Variants in PTPRN2 observed in about 807,000 individuals in gnomAD.
PTPRN2 encodes protein tyrosine phosphatase receptor type N2, also known as receptor-type tyrosine-protein phosphatase N2.
PTPRN2 carries 74 observed loss-of-function variants against 118.8 expected under a neutral mutation model. The observed-to-expected ratio is 0.62, with a 90% CI of 0.52 to 0.76. PTPRN2 has a LOEUF of 0.76. Ranked by LOEUF, PTPRN2 falls within the 30% of genes least tolerant of loss-of-function variation. The pLI is 0.00. For synonymous variants in PTPRN2, 641 were observed against 608.0 expected (o/e 1.05, Z -0.80); for missense variants, 1,481 against 1,394.4 (o/e 1.06, Z -0.99).
chr7:158,464,391 C>CCGT (rs1819236856), intron 2 of PTPRN2, among the ~76,000 whole-genome samples: 2 of 84,098 alleles, frequency 2.4e-5, no homozygotes, highest in African/African-American at 1.1e-4. Context: ...TTCATCATCA[C>CCGT]CATCATCATC....
chr7:158,235,293 C>A (rs1275172626), intron 3 of PTPRN2, among the ~76,000 whole-genome samples: 1 of 152,144 alleles, frequency 6.6e-6, no homozygotes, highest in Non-Finnish European at 1.5e-5. Flanking sequence ...TATCTGCATG[C>A]CTGTGTTTAT....
intron 14 of PTPRN2, among the ~76,000 whole-genome samples, chr7:157,650,942 G>A (rs1352829821): frequency 1.3e-5 from 2 of 152,208 alleles, no homozygotes; most frequent in East Asian, 3.9e-4. Context: ...GCAGAGACAC[G>A]ACGGGCCCAG....
chr7:158,543,527 G>T (rs1359833079), intron 1 of PTPRN2, among the ~76,000 whole-genome samples: 1 of 152,234 alleles, frequency 6.6e-6, no homozygotes, highest in East Asian at 1.9e-4. Flanking sequence ...AGCATTGAGG[G>T]TAACTGCATA....
At chr7:158,208,597 A>G (rs893853687) in intron 3 of PTPRN2, among the ~76,000 whole-genome samples, 1 of 152,220 alleles carries the variant, frequency 6.6e-6, no homozygotes, top group African/African-American at 2.4e-5. Context: ...TTCCCAGACA[A>G]ACAAAAGCTG....
chr7:157,548,791 G>A (rs561643680), intron 22 of PTPRN2, among the ~76,000 whole-genome samples, 155 bp downstream of exon 22: 6 of 152,254 alleles, frequency 3.9e-5, no homozygotes, highest in South Asian at 4.1e-4. Context: ...AAGTGACCCC[G>A]CCCATGCAAG....
chr7:158,423,887 A>G (rs949510651), intron 2 of PTPRN2, among the ~76,000 whole-genome samples: 26 of 152,278 alleles, frequency 1.7e-4, no homozygotes, highest in Admixed American at 5.2e-4. Context: ...GGAATCCTGA[A>G]AACTGCTTTG....
Position 157,889,758 on chromosome 7 carries a change from T to C in PTPRN2, c.1788+8915A>G, listed in dbSNP as rs570894051. Among the ~76,000 whole-genome samples the C allele has an allele frequency of 2.2e-4, 33 of 152,382 alleles. 1 individual carries two copies. Among genetic ancestry groups the C allele is most frequent in the East Asian group, 1.7e-3 (9 of 5,186 alleles). ...GCCTCTCACTAGAAGTGCCTGTTTC[T>C]GGCTTCTGGCCGGAGGCTACGCTTC... On this transcript the variant is annotated intron_variant, in intron 12 of 22. Transcript: ENST00000389418.
intron 2 of PTPRN2, among the ~76,000 whole-genome samples, chr7:158,411,052 G>A (rs1317373790): frequency 6.6e-5 from 10 of 151,792 alleles, no homozygotes; most frequent in African/African-American, 2.2e-4. Context: ...CTGCCCCTGC[G>A]AACCCGGGGC....
chr7:157,993,921 A>G (rs979881728), intron 11 of PTPRN2, among the ~76,000 whole-genome samples: 6 of 152,096 alleles, frequency 3.9e-5, no homozygotes, highest in African/African-American at 1.4e-4. Flanking sequence ...CACTGAGCTC[A>G]CTGGGTCTCC....
chr7:157,994,034 T>G (rs190537353), intron 11 of PTPRN2, among the ~76,000 whole-genome samples: 79 of 152,334 alleles, frequency 5.2e-4, no homozygotes, highest in African/African-American at 1.9e-3. Flanking sequence ...GAATAATTTA[T>G]CGCAAAGTCC....
intron 5 of PTPRN2, among the ~76,000 whole-genome samples, chr7:158,171,038 C>T (rs562785624): frequency 1.4e-5 from 2 of 139,064 alleles, no homozygotes; most frequent in Admixed American, 7.1e-5. Flanking sequence ...CATATATATA[C>T]ACATACATAT....
intron 2 of PTPRN2, among the ~76,000 whole-genome samples, chr7:158,341,780 G>A (rs375717272): frequency 1.8e-3 from 134 of 73,424 alleles, no homozygotes; most frequent in Non-Finnish European, 2.4e-3. Flanking sequence ...GACACCTGCA[G>A]ACGTCACTCA....
At chr7:157,873,678 T>C (rs58642917) in intron 12 of PTPRN2, among the ~76,000 whole-genome samples, 5 of 123,042 alleles carry the variant, frequency 4.1e-5, no homozygotes, top group East Asian at 2.4e-4. Context: ...CCTCAAGGTC[T>C]GTCTCGTCGT....
intron 2 of PTPRN2, among the ~76,000 whole-genome samples, chr7:158,468,490 C>T (rs2129443954): frequency 6.6e-6 from 1 of 152,240 alleles, no homozygotes; most frequent in Admixed American, 6.5e-5. Context: ...CCGCCCCTCG[C>T]CGCCCTCAGC....
chr7:158,476,260 T>C (rs1456540276), intron 2 of PTPRN2, among the ~76,000 whole-genome samples: 1 of 152,246 alleles, frequency 6.6e-6, no homozygotes, highest in East Asian at 1.9e-4. Flanking sequence ...TGCCTTGGCC[T>C]CCCACAGTGC....
At chr7:157,992,405 CCT>C (rs1485224902) in intron 11 of PTPRN2, among the ~76,000 whole-genome samples, 1 of 152,176 alleles carries the variant, frequency 6.6e-6, no homozygotes, top group African/African-American at 2.4e-5. Context: ...TGAGCTTCTG[CCT>C]GTGGGAAGAG....
At chr7:157,678,015 A>AT (rs1796751877) in intron 13 of PTPRN2, among the ~76,000 whole-genome samples, 1 of 152,240 alleles carries the variant, frequency 6.6e-6, no homozygotes. Flanking sequence ...TATCAGCTAC[A>AT]TTTGGAAAGG....
intron 12 of PTPRN2, among the ~76,000 whole-genome samples, chr7:157,815,772 G>A (rs572373322): frequency 9.9e-5 from 15 of 152,276 alleles, no homozygotes; most frequent in Admixed American, 3.3e-4. Context: ...GAGCTGGGGC[G>A]CGCGCACATG....
intron 14 of PTPRN2, among the ~76,000 whole-genome samples, chr7:157,651,032 G>A (rs540742378): frequency 3.9e-5 from 6 of 152,298 alleles, no homozygotes; most frequent in African/African-American, 9.6e-5. Flanking sequence ...AGCTTGTGCC[G>A]GCATCTGTTG....
Sources: allele counts gnomAD v4.1 joint callset (sites outside exome capture counted in the v4.1 genomes callset), GRCh38; gene constraint gnomAD v4.1.1; transcripts MANE v1.5; gene names NCBI Gene and HGNC (gene_info 2026-07-23, HGNC 2026-07-21).